Variants in MCTP1 observed in about 807,000 individuals in gnomAD.
The protein encoded by MCTP1 is multiple C2 and transmembrane domain containing 1.
Under a neutral mutation model 120.6 loss-of-function variants are expected in MCTP1, and 69 were observed. The ratio of observed to expected loss-of-function variants is 0.57; its 90% CI spans 0.47 to 0.70. The LOEUF (loss-of-function observed/expected upper bound fraction) is 0.70. MCTP1 is among the 30% of genes least tolerant of loss of function. MCTP1 has a pLI of 0.00. For synonymous variants in MCTP1, 529 were observed against 493.1 expected (o/e 1.07, Z -0.96); for missense variants, 1,203 against 1,248.8 (o/e 0.96, Z 0.55).
At chr5:94,803,743 A>C (rs1480857943) in intron 17 of MCTP1, among the ~76,000 whole-genome samples, 2 of 152,184 alleles carry the variant, frequency 1.3e-5, no homozygotes, top group East Asian at 1.9e-4. Context: ...AAGCCATGCC[A>C]ACTAAATAGA....
chr5:94,899,623 C>T (rs1319276134), intron 10 of MCTP1, among the ~76,000 whole-genome samples: 3 of 152,198 alleles, frequency 2.0e-5, no homozygotes, highest in African/African-American at 4.8e-5. Flanking sequence ...AAGTTATCTC[C>T]TTGTAGGGTG....
intron 17 of MCTP1, among the ~76,000 whole-genome samples, chr5:94,840,212 G>A (rs1412629170): frequency 6.6e-6 from 1 of 152,114 alleles, no homozygotes; most frequent in East Asian, 1.9e-4. Context: ...ACTCTCAAGG[G>A]AATTCTTGGA....
At position 95,014,277 on chromosome 5, in the gene MCTP1, A is replaced by AC. The variant is rs1581844624; in HGVS notation, c.838+3089_838+3090insG. Among the ~76,000 whole-genome samples, 4 of 147,950 alleles carry AC rather than the reference A, an allele frequency of 2.7e-5. No homozygotes were observed. In the East Asian group the frequency reaches 6.0e-4, roughly 22 times the overall value. On this transcript the variant is annotated intron_variant, in intron 2 of 22. Coordinates refer to ENST00000515393, the MANE Select transcript of MCTP1 (RefSeq NM_024717.7). ...TGTCTCTAAAACAACAACAACAACA[A>AC]AAAATCCATGATTTATGAGAGGAGG... is the stretch of plus-strand genomic sequence containing the variant.
chr5:95,228,475 A>AGAGT (rs1472977476), intron 1 of MCTP1, among the ~76,000 whole-genome samples: 1 of 151,054 alleles, frequency 6.6e-6, no homozygotes, highest in Non-Finnish European at 1.5e-5. Flanking sequence ...GCCAAAAGAG[A>AGAGT]GAGAGAGAGA....
At chr5:94,877,282 C>T (rs1274865001) in intron 12 of MCTP1, among the ~76,000 whole-genome samples, 1 of 151,936 alleles carries the variant, frequency 6.6e-6, no homozygotes, top group African/African-American at 2.4e-5. Context: ...AATACAAAAA[C>T]CTAGATATGT....
At chr5:95,245,666 A>C (rs963273143) in intron 1 of MCTP1, among the ~76,000 whole-genome samples, 2 of 152,192 alleles carry the variant, frequency 1.3e-5, no homozygotes, top group Non-Finnish European at 2.9e-5. Flanking sequence ...GCCTCCAAGA[A>C]ATATGAGACT....
chr5:95,154,342 C>T (rs545289321), intron 1 of MCTP1: 114 of 151,750 alleles, frequency 7.5e-4, no homozygotes, highest in African/African-American at 2.7e-3. Context: ...GTCTCTATGC[C>T]AACAGAAACC....
chr5:94,832,729 T>C (rs1318620885), intron 17 of MCTP1, among the ~76,000 whole-genome samples: 2 of 152,136 alleles, frequency 1.3e-5, no homozygotes, highest in Non-Finnish European at 2.9e-5. Context: ...CCCTGTTGGC[T>C]CCTGTACTTA....
chr5:95,068,063 G>T (rs1486912374), intron 1 of MCTP1, among the ~76,000 whole-genome samples: 1 of 151,982 alleles, frequency 6.6e-6, no homozygotes, highest in Non-Finnish European at 1.5e-5. Context: ...TTTCAACAAG[G>T]TCGTTCTTTT....
intron 17 of MCTP1, among the ~76,000 whole-genome samples, chr5:94,866,524 C>A (rs1796836979): frequency 6.8e-6 from 1 of 148,128 alleles, no homozygotes; most frequent in Non-Finnish European, 1.5e-5. Flanking sequence ...CCCCTTCCCA[C>A]CTTTACTATG....
intron 1 of MCTP1, among the ~76,000 whole-genome samples, chr5:95,043,190 C>T (rs960956021): frequency 6.6e-5 from 10 of 152,180 alleles, no homozygotes; most frequent in African/African-American, 2.4e-4. Context: ...CAGAGGGTCA[C>T]ATTTAACAAT....
chr5:95,129,083 T>A (rs73776199), intron 1 of MCTP1, among the ~76,000 whole-genome samples: 2,538 of 152,282 alleles, frequency 0.017, 75 homozygotes, highest in African/African-American at 0.058. Context: ...TGAAATTAGA[T>A]CCATGCTTAT....
At chr5:95,100,593 T>C (rs1033876225) in intron 1 of MCTP1, among the ~76,000 whole-genome samples, 2 of 152,246 alleles carry the variant, frequency 1.3e-5, no homozygotes, top group African/African-American at 4.8e-5. Context: ...ACTGTATATC[T>C]TTTTAAAAAT....
At chr5:94,826,403 TG>T in intron 17 of MCTP1, 2 of 635,712 alleles carry the variant, frequency 3.1e-6, no homozygotes, top group South Asian at 3.0e-5. Flanking sequence ...CTCACACCAT[TG>T]ATACCTCTGA....
intron 2 of MCTP1, among the ~76,000 whole-genome samples, chr5:94,973,988 C>CATATAATTACATATAATTACAT (rs1827487309): frequency 1.3e-5 from 2 of 152,072 alleles, no homozygotes; most frequent in Admixed American, 1.3e-4. Context: ...GGTTTAATTA[C>CATATAATTACATATAATTACAT]ATAATACATA....
chr5:95,262,155 G>A lies in MCTP1; in HGVS notation c.720+21701C>T, dbSNP rs554412468. ...GATGATGGGATCTGGGCAGAGACAG[G>A]TCAGCCTTCACTAACTCTTTGCCTG... On this transcript the variant is annotated intron_variant, in intron 1 of 22. Transcript: ENST00000515393. Among the ~76,000 whole-genome samples, 5 of 152,300 alleles carry A rather than the reference G, an allele frequency of 3.3e-5. No individual in the cohort carries two copies. In the South Asian group the frequency reaches 8.3e-4, roughly 25 times the overall value.
At position 94,901,825 on chromosome 5, in the gene MCTP1, C is replaced by T. The variant is rs144006285; in HGVS notation, c.1653-6990G>A. 8.9e-4 allele frequency among the ~76,000 whole-genome samples: 136 copies of T among 152,246 alleles called. 1 individual carries two copies. Among genetic ancestry groups the T allele is most frequent in the African/African-American group, 3.2e-3 (134 of 41,546 alleles). The stretch of plus-strand genomic sequence containing the variant: ...ATGAAACAGTCTTGTGATTAGCACC[C>T]TGGGTGTGTTCGTATGAGTCCCGTG... On this transcript the variant is annotated intron_variant, in intron 10 of 22. Coordinates refer to ENST00000515393, the MANE Select transcript of MCTP1 (RefSeq NM_024717.7).
chr5:95,147,360 A>G lies in MCTP1; in HGVS notation c.721-129876T>C, dbSNP rs538386953. 2.6e-5 allele frequency among the ~76,000 whole-genome samples: 4 copies of G among 152,302 alleles called. No individual in the cohort carries two copies. The South Asian group carries it at 8.3e-4, about 32-fold the overall frequency. Reference sequence around the variant, plus strand: ...CTCGGTCTCCCAAAGTGCTGGGATTACAGGCGTGAGCCACCGCGCCCAGCT... The same window carrying G: ...CTCGGTCTCCCAAAGTGCTGGGATTGCAGGCGTGAGCCACCGCGCCCAGCT... On this transcript the variant is annotated intron_variant, in intron 1 of 22. Coordinates refer to ENST00000515393, the MANE Select transcript of MCTP1 (RefSeq NM_024717.7).
chr5:94,991,746 G>A (rs550056415), intron 2 of MCTP1, among the ~76,000 whole-genome samples: 210 of 151,810 alleles, frequency 1.4e-3, no homozygotes, highest in African/African-American at 4.6e-3. Flanking sequence ...GCATGGTGGC[G>A]GGCGCCTGTA....
Sources: allele counts gnomAD v4.1 joint callset (sites outside exome capture counted in the v4.1 genomes callset), GRCh38; gene constraint gnomAD v4.1.1; transcripts MANE v1.5; gene names NCBI Gene and HGNC (gene_info 2026-07-23, HGNC 2026-07-21).